The following TRAPPC9 variants were observed in gnomAD, a reference collection of about 807,000 sequenced individuals.
TRAPPC9 encodes the protein IKK2 binding protein.
TRAPPC9 carries 83 observed loss-of-function variants against 124.0 expected under a neutral mutation model. The ratio of observed to expected loss-of-function variants is 0.67; its 90% CI spans 0.56 to 0.80. The LOEUF (loss-of-function observed/expected upper bound fraction) is 0.80. Among genes scored for constraint, TRAPPC9 ranks in the 30% least tolerant of loss-of-function variants. The pLI is 0.00. For synonymous variants in TRAPPC9, 638 were observed against 617.5 expected, an observed-to-expected ratio of 1.03 and a Z score of -0.49; for missense variants, 1,302 against 1,508.3, an observed-to-expected ratio of 0.86 and a Z score of 2.27.
intron 17 of TRAPPC9, among the ~76,000 whole-genome samples, chr8:140,176,701 A>G (rs1017616189): frequency 2.6e-5 from 4 of 152,236 alleles, no homozygotes; most frequent in African/African-American, 7.2e-5. Flanking sequence ...CTGGGTCATC[A>G]CATAAGTATA....
intron 17 of TRAPPC9, among the ~76,000 whole-genome samples, chr8:140,038,790 A>G (rs1286588427): frequency 6.6e-6 from 1 of 152,154 alleles, no homozygotes; most frequent in African/African-American, 2.4e-5. Flanking sequence ...TGTCTAATCC[A>G]CGTGCTTAGA....
At chr8:139,875,989 G>A (rs1036969817) in intron 21 of TRAPPC9, among the ~76,000 whole-genome samples, 76 of 152,266 alleles carry the variant, frequency 5.0e-4, no homozygotes, top group African/African-American at 1.8e-3. Flanking sequence ...CATCGGTGCG[G>A]CTGTCCTACT....
At chr8:140,444,812 G>C (rs2071179993) in intron 2 of TRAPPC9, among the ~76,000 whole-genome samples, 1 of 144,638 alleles carries the variant, frequency 6.9e-6, no homozygotes, top group Non-Finnish European at 1.5e-5. Flanking sequence ...GCAGTGAGCT[G>C]AGATGGTACC....
At chr8:140,458,413 TC>T (rs928032944), upstream of TRAPPC9, 2 of 1,593,922 alleles carry the variant, frequency 1.3e-6, no homozygotes, top group Non-Finnish European at 1.7e-6. Context: ...ACTCCCACGG[TC>T]GTGCCCCCCA....
chr8:139,807,130 G>A (rs1332508876), intron 21 of TRAPPC9, among the ~76,000 whole-genome samples: 1 of 152,246 alleles, frequency 6.6e-6, no homozygotes, highest in Non-Finnish European at 1.5e-5. Flanking sequence ...GGAAGGGACA[G>A]AAAACTTGGG....
chr8:139,949,282 A>C (rs1430353806), intron 19 of TRAPPC9, among the ~76,000 whole-genome samples: 4 of 152,222 alleles, frequency 2.6e-5, no homozygotes, highest in Non-Finnish European at 4.4e-5. Context: ...AGATATAATA[A>C]AATTGAGAAA....
rs762807549 is a variant in TRAPPC9 at position 140,087,463 on chromosome 8, G to A, written c.2557-63384C>T. On this transcript the variant is annotated intron_variant, in intron 17 of 22. Transcript: ENST00000438773. The surrounding 1 kb of genome is among the most constrained non-coding windows in gnomAD (Gnocchi z 4.6). The stretch of plus-strand genomic sequence containing the variant: ...TCCCGCACAGCCCCGCTGAAGAGCC[G>A]AACGGTGCTCACACATGACTCGCCT... Among the ~76,000 whole-genome samples the A allele has an allele frequency of 1.3e-5, 2 of 152,124 alleles. No individual in the cohort carries two copies. The highest frequency in any genetic ancestry group is 2.4e-5 in the African/African-American group (1 of 41,422).
chr8:140,297,429 A>C (rs921358414), intron 11 of TRAPPC9, among the ~76,000 whole-genome samples: 1 of 152,228 alleles, frequency 6.6e-6, no homozygotes, highest in African/African-American at 2.4e-5. Flanking sequence ...ACACGCATAC[A>C]CACACATACA....
intron 9 of TRAPPC9, among the ~76,000 whole-genome samples, chr8:140,322,338 C>A (rs535784347): frequency 6.6e-5 from 10 of 152,302 alleles, no homozygotes; most frequent in African/African-American, 9.6e-5. Flanking sequence ...CAAGGCTACA[C>A]CCAGCTCAAC....
intron 9 of TRAPPC9, among the ~76,000 whole-genome samples, chr8:140,323,380 C>T (rs941926951): frequency 2.0e-5 from 3 of 152,046 alleles, no homozygotes; most frequent in Admixed American, 1.3e-4. Context: ...AAGGAGGAGG[C>T]GGTAGAATCT....
intron 15 of TRAPPC9, among the ~76,000 whole-genome samples, chr8:140,261,490 C>T (rs886646939): frequency 2.6e-5 from 4 of 152,182 alleles, no homozygotes; most frequent in Non-Finnish European, 5.9e-5. Context: ...ACACATAGAA[C>T]AGGTTCAACA....
chr8:139,745,183 C>G (rs1189130989), intron 21 of TRAPPC9, among the ~76,000 whole-genome samples: 2 of 152,224 alleles, frequency 1.3e-5, no homozygotes, highest in Admixed American at 1.3e-4. Flanking sequence ...CCATGGACAC[C>G]CTCCACGGAT....
At chr8:139,980,251 G>A (rs1004024116) in intron 19 of TRAPPC9, among the ~76,000 whole-genome samples, 5 of 152,076 alleles carry the variant, frequency 3.3e-5, no homozygotes, top group South Asian at 4.1e-4. Context: ...GTTACACCTC[G>A]GACACAGTTC....
chr8:140,330,261 A>G (rs7828714), intron 9 of TRAPPC9, among the ~76,000 whole-genome samples: 44,079 of 151,934 alleles, frequency 0.29, 6,739 homozygotes, highest in Middle Eastern at 0.43. Flanking sequence ...TTCATTCTGC[A>G]TATACATCCA....
intron 21 of TRAPPC9, among the ~76,000 whole-genome samples, chr8:139,804,047 C>A (rs78722713): frequency 1.3e-5 from 2 of 151,542 alleles, no homozygotes; most frequent in Non-Finnish European, 2.9e-5. Flanking sequence ...CGCCACCACA[C>A]GCCACCTCCA....
chr8:140,127,474 A>G (rs2061119792), intron 17 of TRAPPC9, among the ~76,000 whole-genome samples: 1 of 152,254 alleles, frequency 6.6e-6, no homozygotes. Context: ...TCTTGAGGAC[A>G]GTGGCCATGC....
At chr8:140,314,044 T>C (rs987761690) in intron 9 of TRAPPC9, among the ~76,000 whole-genome samples, 1 of 152,200 alleles carries the variant, frequency 6.6e-6, no homozygotes, top group African/African-American at 2.4e-5. Flanking sequence ...TACAAACTGG[T>C]GATTTTCTAA....
At chr8:139,935,644 T>A (rs1228850511) in intron 19 of TRAPPC9, among the ~76,000 whole-genome samples, 1 of 150,594 alleles carries the variant, frequency 6.6e-6, no homozygotes, top group Non-Finnish European at 1.5e-5. Flanking sequence ...CATCTCTTAG[T>A]TAAAATATGC....
At position 139,885,944 on chromosome 8, in the gene TRAPPC9, G is replaced by T; in HGVS notation, c.2990C>A (p.Ala997Glu). ...RIPSLKRSGE[A>E]SVEGLLNQLV... The stretch of plus-strand genomic sequence containing the variant: ...CTGGTTCAGGAGTCCTTCCACACTC[G>T]CCTCGCCACTGCGCTTCAGGGAGGG... Residue 997 changes from alanine (A) to glutamate (E), a missense_variant, in exon 21 of 23, where the codon GCG (alanine) becomes GAG (glutamate). By Grantham distance (107) the Ala-to-Glu change is moderately radical (BLOSUM62 -1). This residue lies in a region of TRAPPC9 where 640 missense variants were observed against 679.3 expected (regional missense o/e 0.94). Coordinates refer to ENST00000438773, the MANE Select transcript of TRAPPC9 (RefSeq NM_001160372.4). 1 of 1,571,360 alleles carries T rather than the reference G, an allele frequency of 6.4e-7. No individual in the cohort carries two copies. Among genetic ancestry groups the T allele is most frequent in the South Asian group, 1.2e-5 (1 of 85,302 alleles).
Sources: allele counts gnomAD v4.1 joint callset (sites outside exome capture counted in the v4.1 genomes callset), GRCh38; gene constraint gnomAD v4.1.1; regional missense constraint gnomAD v4.1.1; non-coding constraint Gnocchi (gnomAD v3.1); transcripts MANE v1.5; gene names NCBI Gene and HGNC (gene_info 2026-07-23, HGNC 2026-07-21).